The following SASH1 variants were observed in gnomAD, a reference collection of about 807,000 sequenced individuals.
SASH1 encodes the protein SAM and SH3 domain containing 1, also known as SAM and SH3 domain-containing protein 1.
Under a neutral mutation model 125.2 loss-of-function variants are expected in SASH1, and 44 were observed. The observed-to-expected ratio is 0.35, with a 90% confidence interval of 0.28 to 0.45. The LOEUF (loss-of-function observed/expected upper bound fraction) is 0.45, where lower values mean the gene tolerates loss of function less well. Ranked by LOEUF, SASH1 falls within the 20% of genes least tolerant of loss-of-function variation. The pLI, the probability that SASH1 is intolerant of heterozygous loss-of-function variation, is 1.00. For synonymous variants in SASH1, 639 were observed against 649.1 expected (o/e 0.98, Z 0.24); for missense variants, 1,426 against 1,614.5 (o/e 0.88, Z 2.00).
At chr6:148,468,869 TA>T (rs1455350126) in intron 5 of SASH1, 1 of 277,890 alleles carries the variant, frequency 3.6e-6, no homozygotes, top group African/African-American at 2.2e-5. Context: ...AGAAGCAACC[TA>T]AATATCCAGC....
chr6:148,369,714 G>T (rs974655880), intron 1 of SASH1, among the ~76,000 whole-genome samples: 1 of 152,086 alleles, frequency 6.6e-6, no homozygotes, highest in Non-Finnish European at 1.5e-5. Context: ...GGCACTTTGG[G>T]AGGCCAAGAC....
At chr6:148,261,957 G>T in the SASH1 span, among the ~76,000 whole-genome samples, 1 of 151,978 alleles carries the variant, frequency 6.6e-6, no homozygotes, top group Non-Finnish European at 1.5e-5. Flanking sequence ...ACAGTTGAGG[G>T]GCATGCAACA....
intron 1 of SASH1, among the ~76,000 whole-genome samples, chr6:148,360,644 G>T (rs113372014): frequency 3.5e-4 from 37 of 105,172 alleles, no homozygotes; most frequent in Admixed American, 5.0e-4. Context: ...CCACCCCCCC[G>T]CCAGGCTTTA....
At chr6:148,477,949 G>A (rs572724904) in intron 7 of SASH1, among the ~76,000 whole-genome samples, 221 of 152,120 alleles carry the variant, frequency 1.5e-3, no homozygotes, top group African/African-American at 5.0e-3. Flanking sequence ...CACCCGCCTC[G>A]GCCTCCCAAA....
At chr6:148,494,453 A>C (rs1779231847) in intron 8 of SASH1, among the ~76,000 whole-genome samples, 1 of 152,170 alleles carries the variant, frequency 6.6e-6, no homozygotes, top group African/African-American at 2.4e-5. Flanking sequence ...TCATCGTTTC[A>C]TAACTGATCA....
rs1327583176 is a variant in SASH1 at position 148,532,750 on chromosome 6, GT to G, written c.1565-46del. Reference sequence around the variant, plus strand: ...CTTCAATACCTTTCTGCTTTGCTGGGTGGGAAATCTGGATCTACCCGTGTTC... The same window carrying G: ...CTTCAATACCTTTCTGCTTTGCTGGGGGGAAATCTGGATCTACCCGTGTTC... On this transcript the variant is annotated intron_variant, in intron 13 of 19. Coordinates refer to ENST00000367467, the MANE Select transcript of SASH1 (RefSeq NM_015278.5). This position sits in a 1 kb window ranked among gnomAD's most constrained non-coding sequence, Gnocchi z 4.7. 5 of 1,604,142 alleles carry G rather than the reference GT, an allele frequency of 3.1e-6. No individual in the cohort carries two copies. The highest frequency in any genetic ancestry group is 3.4e-6 in the Non-Finnish European group (4 of 1,173,302).
rs1039812388 is a variant in SASH1 at position 148,550,740 on chromosome 6, G to A, written c.*2182G>A. ...CATTTCACGTGCTGTGGTGGATGTG[G>A]GTGCTGTAGACAGGCTTCTTCTCTT... On this transcript the variant is annotated 3_prime_UTR_variant, in exon 20 of 20. Transcript: ENST00000367467. 6.6e-6 allele frequency: 1 copy of A among 152,200 alleles called. No individual in the cohort carries two copies. Among genetic ancestry groups the A allele is most frequent in the African/African-American group, 2.4e-5 (1 of 41,426 alleles). 9.4% of individuals were successfully genotyped at this position (152,200 alleles called of 1,614,324 possible).
upstream of SASH1, among the ~76,000 whole-genome samples, chr6:148,268,603 T>A (rs1446575173): frequency 6.6e-6 from 1 of 152,236 alleles, no homozygotes; most frequent in Non-Finnish European, 1.5e-5. Context: ...TCTCATGTTG[T>A]CATTGAAAAG....
intron 1 of SASH1, among the ~76,000 whole-genome samples, chr6:148,318,575 C>A (rs1237372804): frequency 1.4e-5 from 2 of 143,140 alleles, no homozygotes; most frequent in Middle Eastern, 3.6e-3. Context: ...TTTTTTGAGA[C>A]GGCGTCTCTT....
chr6:148,297,215 G>A (rs1376342786), intron 1 of SASH1, among the ~76,000 whole-genome samples: 2 of 152,204 alleles, frequency 1.3e-5, no homozygotes, highest in African/African-American at 4.8e-5. Flanking sequence ...GAACTACAAA[G>A]GAGAGACCCT....
intron 1 of SASH1, among the ~76,000 whole-genome samples, chr6:148,289,499 C>G (rs143327899): frequency 6.6e-6 from 1 of 152,332 alleles, no homozygotes; most frequent in Non-Finnish European, 1.5e-5. Context: ...CTGCCCCTTA[C>G]GCATCTCTGG....
At chr6:148,493,626 T>A (rs1779199445) in intron 8 of SASH1, among the ~76,000 whole-genome samples, 2 of 152,332 alleles carry the variant, frequency 1.3e-5, no homozygotes, top group Admixed American at 1.3e-4. Flanking sequence ...TTGCATTGAT[T>A]TCATAGGCTT....
Position 148,330,430 on chromosome 6 carries a change from G to A in SASH1, n.74+58053G>A, listed in dbSNP as rs989558990. ...TTAAGAGCAAGAGAGACAGCCAAGT[G>A]GACATTCTCATAGGGTAAAGTTTAT... On this transcript the variant is annotated intron_variant and non_coding_transcript_variant, in intron 1 of 3. Transcript: ENST00000367469. Among the ~76,000 whole-genome samples, 2 of 152,132 alleles carry A rather than the reference G, an allele frequency of 1.3e-5. 1 individual carries two copies. The highest frequency in any genetic ancestry group is 4.1e-4 in the South Asian group (2 of 4,820).
intron 2 of SASH1, among the ~76,000 whole-genome samples, chr6:148,404,417 G>A (rs1262900014): frequency 6.6e-6 from 1 of 152,046 alleles, no homozygotes; most frequent in Non-Finnish European, 1.5e-5. Context: ...GGGATAGGCT[G>A]TTGTCTTAAA....
chr6:148,489,583 C>T (rs981481618), intron 8 of SASH1, among the ~76,000 whole-genome samples: 1 of 152,102 alleles, frequency 6.6e-6, no homozygotes, highest in African/African-American at 2.4e-5. Flanking sequence ...TATACGAAAT[C>T]TTCCAGTCAA....
chr6:148,422,979 G>A (rs558139360), intron 2 of SASH1, among the ~76,000 whole-genome samples: 13 of 152,110 alleles, frequency 8.5e-5, no homozygotes, highest in East Asian at 3.9e-4. Flanking sequence ...TCGCTCTGTC[G>A]CCAGGCTGGA....
chr6:148,233,414 T>C, the SASH1 span, among the ~76,000 whole-genome samples: 2 of 152,062 alleles, frequency 1.3e-5, no homozygotes, highest in Admixed American at 1.3e-4. Context: ...GTCCACCTTT[T>C]TTCCTTTCTT....
rs369651146 is a variant in SASH1, at chr6:148,368,272, C to T, written c.157-21862C>T. On this transcript the variant is annotated intron_variant, in intron 1 of 19. Transcript: ENST00000367467. ...AATGGATTTGAAGCCAGGATCTGCT[C>T]TCTTTTTTCTTTTTTTGTTTTTTAG... is the stretch of plus-strand genomic sequence containing the variant. 6.1e-5 allele frequency among the ~76,000 whole-genome samples: 9 copies of T among 148,578 alleles called. No homozygotes were observed. In the South Asian group the frequency reaches 1.9e-3, roughly 31 times the overall value.
At chr6:148,524,071 T>C (rs1005672145) in intron 10 of SASH1, among the ~76,000 whole-genome samples, 1 of 147,966 alleles carries the variant, frequency 6.8e-6, no homozygotes, top group African/African-American at 2.5e-5. Context: ...CCTTCTAGGA[T>C]GTTTCTACTT....
Sources: allele counts gnomAD v4.1 joint callset (sites outside exome capture counted in the v4.1 genomes callset), GRCh38; gene constraint gnomAD v4.1.1; non-coding constraint Gnocchi (gnomAD v3.1); transcripts MANE v1.5; gene names NCBI Gene and HGNC (gene_info 2026-07-23, HGNC 2026-07-21).